The following ATP2B1 variants were observed in gnomAD, a reference collection of about 807,000 sequenced individuals.
The protein encoded by ATP2B1 is plasma membrane calcium-transporting ATPase 1.
In ATP2B1, 14 loss-of-function variants were observed where a neutral mutation model predicts 124.2. The ratio of observed to expected loss-of-function variants is 0.11; its 90% CI spans 0.07 to 0.18. The LOEUF (loss-of-function observed/expected upper bound fraction) is 0.18. ATP2B1 is among the 10% of genes least tolerant of loss of function. ATP2B1 has a pLI of 1.00. For synonymous variants in ATP2B1, 449 were observed against 492.4 expected (o/e 0.91, Z 1.17); for missense variants, 763 against 1,466.1 (o/e 0.52, Z 7.83).
At chr12:89,662,107 T>A (rs1158008994) in intron 1 of ATP2B1, among the ~76,000 whole-genome samples, 1 of 151,968 alleles carries the variant, frequency 6.6e-6, no homozygotes, top group Non-Finnish European at 1.5e-5. Flanking sequence ...GATCTCCATA[T>A]CTTATCAAGA....
rs567077317 is a variant in ATP2B1, at chr12:89,628,401, C to CA, written c.929-686dup. Among the ~76,000 whole-genome samples, 25 of 79,618 alleles carry CA rather than the reference C, an allele frequency of 3.1e-4. 1 individual carries two copies. Among genetic ancestry groups the CA allele is most frequent in the African/African-American group, 1.1e-3 (22 of 19,746 alleles). 52.2% of individuals were successfully genotyped at this position (79,618 alleles called of 152,430 possible). A position where few individuals can be genotyped will look rare whatever the true frequency, so the allele number is the denominator to read the frequency against. ...TGGGGGATAGAGTGAGACTCCGTCT[C>CA]AAAAAAAAAAAAAAAAAAAAAAAAA... On this transcript the variant is annotated intron_variant, in intron 6 of 20. Transcript: ENST00000428670.
At position 89,590,401 on chromosome 12, in the gene ATP2B1, T is replaced by TA. The variant is rs1464623129; in HGVS notation, c.*582_*583insT. ...TTGTAGGCAAAAATTTAGTACAGTT[T>TA]CAATAGAAACACCCCTTTTTTTTTT... On this transcript the variant is annotated 3_prime_UTR_variant, in exon 21 of 21. Coordinates refer to ENST00000428670, the MANE Select transcript of ATP2B1 (RefSeq NM_001366521.1). 2 of 152,154 alleles carry TA rather than the reference T, an allele frequency of 1.3e-5. No homozygotes were observed. The highest frequency in any genetic ancestry group is 6.6e-5 in the Admixed American group (1 of 15,202). 9.4% of individuals were successfully genotyped at this position (152,154 alleles called of 1,614,324 possible). A position where few individuals can be genotyped will look rare whatever the true frequency, so the allele number is the denominator to read the frequency against.
intron 1 of ATP2B1, among the ~76,000 whole-genome samples, chr12:89,662,134 TTTC>T (rs1187439975): frequency 6.0e-5 from 9 of 151,008 alleles, no homozygotes; most frequent in Admixed American, 3.3e-4. Flanking sequence ...ATGATCTTTC[TTTC>T]TTTTTTTTTT....
intron 3 of ATP2B1, among the ~76,000 whole-genome samples, chr12:89,638,058 T>C (rs1228209516): frequency 8.5e-5 from 2 of 23,616 alleles, no homozygotes; most frequent in Non-Finnish European, 2.8e-4. Context: ...TATAAATCCT[T>C]TCCTACTGAC....
At chr12:89,696,990 G>GT (rs886155558) in intron 1 of ATP2B1, among the ~76,000 whole-genome samples, 167 of 107,004 alleles carry the variant, frequency 1.6e-3, no homozygotes, top group African/African-American at 4.9e-3. Flanking sequence ...CATTAGTTTT[G>GT]TTTTTTTTTT....
At chr12:89,595,614 A>C (rs1389549043) in intron 20 of ATP2B1, among the ~76,000 whole-genome samples, 1 of 152,148 alleles carries the variant, frequency 6.6e-6, no homozygotes, top group Non-Finnish European at 1.5e-5. Flanking sequence ...TTCTAAAACT[A>C]TTCCATATTA....
chr12:89,659,931 C>CAAAAAAAAAAAAAAAAAAAA (rs545497005), intron 1 of ATP2B1, among the ~76,000 whole-genome samples: 1 of 127,868 alleles, frequency 7.8e-6, no homozygotes, highest in African/African-American at 2.9e-5. Flanking sequence ...AAAAAAAAAA[C>CAAAAAAAAAAAAAAAAAAAA]AAAAAAAAAC....
Position 89,590,153 on chromosome 12 carries a change from G to GC in ATP2B1, c.*830dup, listed in dbSNP as rs1873298001. On this transcript the variant is annotated 3_prime_UTR_variant, in exon 21 of 21. Coordinates refer to ENST00000428670, the MANE Select transcript of ATP2B1 (RefSeq NM_001366521.1). Reference sequence around the variant, plus strand: ...CTAAATTCTGAACAAAAGGTTATTAGCAAGTTTTCAAAAATTTTAAAAATT... The same window carrying GC: ...CTAAATTCTGAACAAAAGGTTATTAGCCAAGTTTTCAAAAATTTTAAAAATT... 6.6e-6 allele frequency: 1 copy of GC among 152,456 alleles called. No individual in the cohort carries two copies. The highest frequency in any genetic ancestry group is 2.1e-4 in the South Asian group (1 of 4,822). The allele number at this position is 152,456 out of a possible 1,614,324, so 9.4% of individuals were successfully genotyped here.
chr12:89,624,882 T>C (rs1880581941), intron 8 of ATP2B1, among the ~76,000 whole-genome samples: 2 of 152,336 alleles, frequency 1.3e-5, no homozygotes, highest in African/African-American at 4.8e-5. Flanking sequence ...TTTCTTCAAT[T>C]TTTTTGCTCT....
chr12:89,643,093 T>TACACACACACACACACAC (rs1883842700), intron 2 of ATP2B1, among the ~76,000 whole-genome samples: 1 of 110,016 alleles, frequency 9.1e-6, no homozygotes, highest in Non-Finnish European at 2.2e-5. Flanking sequence ...CACACACACA[T>TACACACACACACACACAC]ATATACATAC....
chr12:89,614,586 CTT>C (rs1000816419), intron 12 of ATP2B1, among the ~76,000 whole-genome samples: 1 of 152,146 alleles, frequency 6.6e-6, no homozygotes, highest in Non-Finnish European at 1.5e-5. Flanking sequence ...CGACCATCTC[CTT>C]TATAAGACTT....
chr12:89,707,486 C>T (rs1018261661), intron 1 of ATP2B1, among the ~76,000 whole-genome samples: 5 of 152,134 alleles, frequency 3.3e-5, no homozygotes, highest in Non-Finnish European at 7.4e-5. Flanking sequence ...TAATTTATCA[C>T]GAACAGCAAT....
At position 89,604,275 on chromosome 12, in the gene ATP2B1, A is replaced by G. The variant is rs755880417; in HGVS notation, c.2514T>C (p.Ile838=). The G allele has an allele frequency of 6.2e-7, 1 of 1,613,918 alleles. No homozygotes were observed. The highest frequency in any genetic ancestry group is 8.5e-7 in the Non-Finnish European group (1 of 1,179,926). ...TTCGTCCCCACATAACTGCTTTAAC[A>G]ATGCTTGTAAAGTTGTCATCTGTGA... The part of the protein sequence containing the change: ...IILTDDNFTS[I]VKAVMWGRNV... The change falls in exon 16 of 21, where the codon ATT becomes ATC. Residue 838 remains isoleucine (I), a synonymous_variant. Transcript: ENST00000428670.
intron 2 of ATP2B1, among the ~76,000 whole-genome samples, chr12:89,644,181 G>T (rs914831052): frequency 6.6e-6 from 1 of 151,998 alleles, no homozygotes; most frequent in African/African-American, 2.4e-5. Context: ...AGATAACCAG[G>T]ATAACATCAT....
At chr12:89,690,594 T>G (rs1218351644) in intron 1 of ATP2B1, among the ~76,000 whole-genome samples, 1 of 151,912 alleles carries the variant, frequency 6.6e-6, no homozygotes, top group Non-Finnish European at 1.5e-5. Flanking sequence ...AAAAAAAAAC[T>G]AATAAACACG....
rs1274585867 is a variant in ATP2B1 at position 89,589,853 on chromosome 12, AAAC to A, written c.*1128_*1130del. 1 of 152,480 alleles carries A rather than the reference AAAC, an allele frequency of 6.6e-6. No homozygotes were observed. Among genetic ancestry groups the A allele is most frequent in the Non-Finnish European group, 1.5e-5 (1 of 68,008 alleles). The allele number at this position is 152,480 out of a possible 1,614,324, so 9.4% of individuals were successfully genotyped here. A position where few individuals can be genotyped will look rare whatever the true frequency, so the allele number is the denominator to read the frequency against. On this transcript the variant is annotated 3_prime_UTR_variant, in exon 21 of 21. Coordinates refer to ENST00000428670, the MANE Select transcript of ATP2B1 (RefSeq NM_001366521.1). ...ATTTATGTTTACAAACAAGTTTCAA[AAAC>A]AAAAGGAAAACATGTATGCTTCTAC...
At chr12:89,632,216 T>C (rs567277027) in intron 5 of ATP2B1, among the ~76,000 whole-genome samples, 4 of 152,276 alleles carry the variant, frequency 2.6e-5, no homozygotes, top group South Asian at 4.1e-4. Flanking sequence ...ACAGTGAACA[T>C]AGCATCTACC....
At chr12:89,687,795 A>G in intron 1 of ATP2B1, among the ~76,000 whole-genome samples, 1 of 152,122 alleles carries the variant, frequency 6.6e-6, no homozygotes, top group East Asian at 1.9e-4. Context: ...TTTACTTTTT[A>G]AACGTTTAAA....
chr12:89,648,109 T>C (rs1418731683), intron 2 of ATP2B1, among the ~76,000 whole-genome samples: 3 of 152,034 alleles, frequency 2.0e-5, no homozygotes, highest in South Asian at 2.1e-4. Context: ...ACACAGAAAA[T>C]TGGTACTGAG....
Sources: gnomAD v4.1 joint callset for allele counts (sites outside exome capture counted in the v4.1 genomes callset) on GRCh38, gnomAD v4.1.1 for gene constraint, MANE v1.5 for transcripts, NCBI Gene and HGNC (gene_info 2026-07-23, HGNC 2026-07-21) for gene names.